UBQLN1: variants seen among roughly 807,000 people sequenced by gnomAD.
UBQLN1 encodes ubiquilin-1.
Under a neutral mutation model 65.4 loss-of-function variants are expected in UBQLN1, and 13 were observed. The ratio of observed to expected loss-of-function variants is 0.20; its 90% CI spans 0.13 to 0.32. UBQLN1 has a LOEUF of 0.32. UBQLN1 is among the 10% of genes least tolerant of loss of function. The pLI, the probability that UBQLN1 is intolerant of heterozygous loss-of-function variation, is 1.00. For missense variants in UBQLN1, 561 were observed against 724.0 expected (o/e 0.77, Z 2.58); for synonymous variants, 267 against 247.8 (o/e 1.08, Z -0.73).
rs1488010326 is a variant in UBQLN1 at position 83,684,039 on chromosome 9, C to A, written c.333-973G>T. ...CTTGAAAAACAAACAAACAAACAAA[C>A]AAAAAAACCCACAACTTTTTTATCT... On this transcript the variant is annotated intron_variant, in intron 2 of 10. Coordinates refer to ENST00000376395, the MANE Select transcript of UBQLN1 (RefSeq NM_013438.5). 2.6e-5 allele frequency among the ~76,000 whole-genome samples: 4 copies of A among 151,594 alleles called. No individual in the cohort carries two copies. The South Asian group carries it at 6.3e-4, about 24-fold the overall frequency.
rs556220384 is a variant in UBQLN1, at chr9:83,661,280, A to G, written c.*507T>C. ...AGCCTATTGCAGTATGTTTCCAGAA[A>G]TGCAGTCCCAAATGTGCATACTCTA... On this transcript the variant is annotated 3_prime_UTR_variant, in exon 11 of 11. Transcript: ENST00000376395. The G allele has an allele frequency of 2.6e-5, 4 of 154,458 alleles. No homozygotes were observed. The South Asian group carries it at 8.3e-4, about 32-fold the overall frequency. 9.6% of individuals were successfully genotyped at this position (154,458 alleles called of 1,614,324 possible).
intron 1 of UBQLN1, among the ~76,000 whole-genome samples, chr9:83,703,162 C>CAA (rs11418417): frequency 0.05 from 7,469 of 148,824 alleles, 293 homozygotes; most frequent in Middle Eastern, 0.14. Context: ...AACAATTAAC[C>CAA]AAAAAAAAAA....
At chr9:83,673,616 A>G (rs1316899837) in intron 6 of UBQLN1, among the ~76,000 whole-genome samples, 3 of 151,658 alleles carry the variant, frequency 2.0e-5, no homozygotes, top group Middle Eastern at 3.5e-3. Flanking sequence ...TAGTTAAGGG[A>G]AAAAAAATCC....
chr9:83,698,223 A>C (rs1204011920), intron 1 of UBQLN1, among the ~76,000 whole-genome samples: 1 of 152,146 alleles, frequency 6.6e-6, no homozygotes, highest in East Asian at 1.9e-4. Flanking sequence ...GTGATATTTG[A>C]GGGTAGGGGA....
intron 1 of UBQLN1, among the ~76,000 whole-genome samples, chr9:83,689,945 C>T (rs1407294129): frequency 2.6e-5 from 4 of 152,130 alleles, no homozygotes; most frequent in Non-Finnish European, 5.9e-5. Flanking sequence ...AAACCAGTAA[C>T]AAATGCACTG....
chr9:83,671,004 C>G (rs1831720472), intron 6 of UBQLN1, among the ~76,000 whole-genome samples: 1 of 152,118 alleles, frequency 6.6e-6, no homozygotes, highest in Non-Finnish European at 1.5e-5. Flanking sequence ...TTTTGTCACC[C>G]AGGCTGGAGT....
In UBQLN1 at chr9:83,677,740, C is replaced by A. The variant is rs1321586698; in HGVS notation, c.1092G>T (p.Val364=). Residue 364 remains valine (V), a synonymous_variant, in exon 6 of 11, where the codon GTG becomes GTT. Transcript: ENST00000376395. ...TTAAAAGCATACCTCCTACTCCAGG[C>A]ACCAAATTTGGCGCAGTAGTACTCT... The part of the protein sequence containing the change: ...SGQSTTAPNL[V]PGVGASMFNT... 6.2e-7 allele frequency: 1 copy of A among 1,612,070 alleles called. No homozygotes were observed. The highest frequency in any genetic ancestry group is 8.5e-7 in the Non-Finnish European group (1 of 1,178,488).
intron 1 of UBQLN1, among the ~76,000 whole-genome samples, chr9:83,701,914 G>GTCCA (rs1587665338): frequency 6.6e-6 from 1 of 152,282 alleles, no homozygotes; most frequent in East Asian, 1.9e-4. Context: ...ACAACCCAAT[G>GTCCA]TCCACCACGT....
chr9:83,676,591 A>G (rs929897388), intron 6 of UBQLN1, among the ~76,000 whole-genome samples: 1 of 152,232 alleles, frequency 6.6e-6, no homozygotes, highest in Admixed American at 6.5e-5. Flanking sequence ...CCTATATTAT[A>G]AACATAAATC....
intron 1 of UBQLN1, among the ~76,000 whole-genome samples, chr9:83,696,725 T>C (rs1043458529): frequency 6.6e-6 from 1 of 151,988 alleles, no homozygotes; most frequent in African/African-American, 2.4e-5. Flanking sequence ...AATAAATACT[T>C]GTCTACTCAG....
At chr9:83,681,104 A>G (rs1316390895) in intron 3 of UBQLN1, among the ~76,000 whole-genome samples, 2 of 152,234 alleles carry the variant, frequency 1.3e-5, no homozygotes, top group East Asian at 3.8e-4. Context: ...AACAGGAAGC[A>G]GAATTCACCT....
At chr9:83,684,084 G>A (rs1027237619) in intron 2 of UBQLN1, among the ~76,000 whole-genome samples, 2 of 152,060 alleles carry the variant, frequency 1.3e-5, no homozygotes, top group Admixed American at 1.3e-4. Context: ...TAGTTCTTGA[G>A]GGTTATGAGC....
At position 83,683,207 on chromosome 9, in the gene UBQLN1, T is replaced by G. The variant is rs111598880; in HGVS notation, c.333-141A>C. The G allele has an allele frequency of 2.8e-3, 1,440 of 506,146 alleles. 27 individuals carry two copies. The highest frequency in any genetic ancestry group is 0.026 in the African/African-American group (1,321 of 51,348). 31.4% of individuals were successfully genotyped at this position (506,146 alleles called of 1,614,324 possible). A position where few individuals can be genotyped will look rare whatever the true frequency, so the allele number is the denominator to read the frequency against. ...GCTGGCTGATCACGAGGTCAAGAGA[T>G]AGAGAACATCCTGGCTAACACAGTG... On this transcript the variant is annotated intron_variant, in intron 2 of 10. Transcript: ENST00000376395.
In UBQLN1 at chr9:83,663,980, G is replaced by A. The variant is rs770720155; in HGVS notation, c.1512C>T (p.Asn504=). ...GACTTGTGTTTTCACTAGGTGTGGCGTTAGATCCATTAGTTCCCGAAGAGC... is the reference window on the plus strand; with the variant it reads ...GACTTGTGTTTTCACTAGGTGTGGCATTAGATCCATTAGTTCCCGAAGAGC... ...TGGSSGTNGS[N]ATPSENTSPT... The change falls in exon 10 of 11, where the codon AAC becomes AAT. Residue 504 remains asparagine, a synonymous_variant. Coordinates refer to ENST00000376395, the MANE Select transcript of UBQLN1 (RefSeq NM_013438.5). The A allele has an allele frequency of 2.8e-5, 46 of 1,614,130 alleles. No homozygotes were observed. In the Admixed American group the frequency reaches 5.3e-4, roughly 19 times the overall value.
intron 1 of UBQLN1, among the ~76,000 whole-genome samples, chr9:83,697,551 C>CAA (rs750268209): frequency 0.33 from 11,275 of 34,426 alleles, 3,198 homozygotes; most frequent in Non-Finnish European, 0.42. Flanking sequence ...GACACTGTCT[C>CAA]AAAAAAAAAA....
At position 83,660,926 on chromosome 9, in the gene UBQLN1, T is replaced by C. The variant is rs1465727143; in HGVS notation, c.*861A>G. On this transcript the variant is annotated 3_prime_UTR_variant, in exon 11 of 11. Transcript: ENST00000376395. ...AAATTTTAATGCCTGTTAAACTACC[T>C]ATGGGAGAAGCTGAGAAGTCCTAGG... 1.3e-5 allele frequency: 2 copies of C among 152,526 alleles called. No individual in the cohort carries two copies. Among genetic ancestry groups the C allele is most frequent in the African/African-American group, 2.4e-5 (1 of 41,442 alleles). 9.4% of individuals were successfully genotyped at this position (152,526 alleles called of 1,614,324 possible).
At chr9:83,706,055 C>T (rs1031331746) in intron 1 of UBQLN1, among the ~76,000 whole-genome samples, 4 of 152,108 alleles carry the variant, frequency 2.6e-5, no homozygotes, top group African/African-American at 9.7e-5. Context: ...GCTTGGGCTA[C>T]ACAGGTGTAA....
chr9:83,673,580 A>AAAAAAAAAC (rs1554727531), intron 6 of UBQLN1, among the ~76,000 whole-genome samples: 5 of 109,594 alleles, frequency 4.6e-5, no homozygotes, highest in African/African-American at 2.0e-4. Context: ...AAAAAAAAAA[A>AAAAAAAAAC]CTGCGCTTAC....
chr9:83,691,213 G>A (rs2131176046), intron 1 of UBQLN1, among the ~76,000 whole-genome samples: 1 of 148,516 alleles, frequency 6.7e-6, no homozygotes, highest in Middle Eastern at 3.4e-3. Context: ...ATATATATAT[G>A]CCTCATCTTG....
Sources: gnomAD v4.1 joint callset for allele counts (sites outside exome capture counted in the v4.1 genomes callset) on GRCh38, gnomAD v4.1.1 for gene constraint, MANE v1.5 for transcripts, NCBI Gene and HGNC (gene_info 2026-07-23, HGNC 2026-07-21) for gene names.